Variants in GAB2 observed in about 807,000 individuals in gnomAD.
The protein encoded by GAB2 is GRB2 associated binding protein 2.
Under a neutral mutation model 65.5 loss-of-function variants are expected in GAB2, and 26 were observed. The observed-to-expected ratio is 0.40, with a 90% confidence interval of 0.29 to 0.55. The LOEUF is 0.55. GAB2 is among the 20% of genes least tolerant of loss of function. GAB2 has a pLI of 0.53. For missense variants in GAB2, 884 were observed against 875.8 expected (o/e 1.01, Z -0.12); for synonymous variants, 321 against 329.6 (o/e 0.97, Z 0.28).
chr11:78,297,804 TATTA>T (rs1245521388), intron 1 of GAB2, among the ~76,000 whole-genome samples: 2 of 152,182 alleles, frequency 1.3e-5, no homozygotes, highest in Non-Finnish European at 2.9e-5. Context: ...ATTATTCACA[TATTA>T]TTTATATTAA....
chr11:78,346,722 A>ATATATTT (rs1565168352), intron 1 of GAB2, among the ~76,000 whole-genome samples: 3 of 30,780 alleles, frequency 9.7e-5, no homozygotes, highest in African/African-American at 1.6e-4. Flanking sequence ...TATATATATA[A>ATATATTT]TTTTTTTTTT....
intron 2 of GAB2, among the ~76,000 whole-genome samples, chr11:78,268,622 G>A (rs73494622): frequency 6.6e-6 from 1 of 152,034 alleles, no homozygotes. Context: ...AGCTTCTGGC[G>A]CTGTGGAGTT....
chr11:78,349,792 C>T (rs1453539112), intron 1 of GAB2, among the ~76,000 whole-genome samples: 1 of 152,062 alleles, frequency 6.6e-6, no homozygotes, highest in African/African-American at 2.4e-5. Context: ...AATCCTCTCA[C>T]TTGGCTCCAG....
chr11:78,388,576 C>T (rs1489408778), intron 1 of GAB2, among the ~76,000 whole-genome samples: 2 of 151,936 alleles, frequency 1.3e-5, no homozygotes, highest in Non-Finnish European at 2.9e-5. Flanking sequence ...GATCCTCCTG[C>T]CTCAGCCTCC....
At chr11:78,407,650 A>AAAGT (rs1188606840) in intron 1 of GAB2, among the ~76,000 whole-genome samples, 21 of 123,148 alleles carry the variant, frequency 1.7e-4, no homozygotes, top group Middle Eastern at 4.1e-3. Flanking sequence ...AGAAAGAAAG[A>AAAGT]AAGAAAGTAA....
intron 1 of GAB2, among the ~76,000 whole-genome samples, chr11:78,320,483 C>A (rs568540874): frequency 8.0e-4 from 122 of 152,298 alleles, no homozygotes; most frequent in African/African-American, 2.9e-3. Context: ...CTAAGGACAA[C>A]AGAAAAGAGG....
chr11:78,341,679 TTA>T, intron 1 of GAB2: 1 of 771,584 alleles, frequency 1.3e-6, no homozygotes, highest in Non-Finnish European at 1.6e-6. Context: ...GGGGTCTTGT[TTA>T]AATGGTGACT....
intron 2 of GAB2, among the ~76,000 whole-genome samples, chr11:78,278,513 T>C (rs1046762456): frequency 1.6e-4 from 24 of 152,000 alleles, no homozygotes; most frequent in African/African-American, 5.8e-4. Flanking sequence ...CCTGAGTAGC[T>C]GGGAATACAG....
At chr11:78,254,363 T>A (rs1344329362) in intron 2 of GAB2, among the ~76,000 whole-genome samples, 2 of 152,184 alleles carry the variant, frequency 1.3e-5, no homozygotes, top group Non-Finnish European at 2.9e-5. Context: ...GTGTTTCTTG[T>A]GGTCAAAATC....
intron 1 of GAB2, among the ~76,000 whole-genome samples, chr11:78,391,215 A>G (rs553079651): frequency 1.3e-5 from 2 of 152,292 alleles, no homozygotes; most frequent in African/African-American, 4.8e-5. Flanking sequence ...GAATCGCTTG[A>G]GCCCGGGAGG....
intron 1 of GAB2, among the ~76,000 whole-genome samples, chr11:78,384,891 G>C (rs1856746721): frequency 6.6e-6 from 1 of 152,186 alleles, no homozygotes; most frequent in Non-Finnish European, 1.5e-5. Context: ...AGCTCATCTG[G>C]CCTGAGTCCC....
chr11:78,383,450 G>A (rs554954820), intron 1 of GAB2, among the ~76,000 whole-genome samples: 1 of 150,890 alleles, frequency 6.6e-6, no homozygotes, highest in African/African-American at 2.4e-5. Context: ...TTTTTTTTAA[G>A]ACGTGGGGTC....
intron 9 of GAB2, among the ~76,000 whole-genome samples, chr11:78,219,791 A>G (rs973071159): frequency 1.3e-5 from 2 of 152,190 alleles, no homozygotes; most frequent in East Asian, 3.9e-4. Flanking sequence ...CATCAGCCAC[A>G]GGACTTTACG....
chr11:78,343,660 A>C (rs889667400), intron 1 of GAB2, among the ~76,000 whole-genome samples: 1 of 152,236 alleles, frequency 6.6e-6, no homozygotes, highest in African/African-American at 2.4e-5. Context: ...GAATTACAGC[A>C]GCACTGTCAA....
chr11:78,317,044 T>C (rs1470350036), intron 1 of GAB2, among the ~76,000 whole-genome samples: 1 of 152,174 alleles, frequency 6.6e-6, no homozygotes, highest in Non-Finnish European at 1.5e-5. Context: ...GAAAATACCA[T>C]GTGATTCCAC....
chr11:78,274,803 T>A (rs2511187), intron 2 of GAB2, among the ~76,000 whole-genome samples: 25,738 of 152,116 alleles, frequency 0.17, 2,585 homozygotes, highest in East Asian at 0.4. Flanking sequence ...GTACAATGCA[T>A]AGTGTCCAAA....
chr11:78,248,146 A>T (rs1865347435), intron 3 of GAB2, among the ~76,000 whole-genome samples: 1 of 152,142 alleles, frequency 6.6e-6, no homozygotes, highest in Admixed American at 6.5e-5. Context: ...ATGTTGTGAG[A>T]GAGAGAGAGA....
chr11:78,387,036 G>C (rs1856777249), intron 1 of GAB2, among the ~76,000 whole-genome samples: 1 of 152,134 alleles, frequency 6.6e-6, no homozygotes, highest in African/African-American at 2.4e-5. Context: ...AATAATGAAT[G>C]AATGAATCAA....
At chr11:78,414,365 T>G (rs1857166947) in intron 1 of GAB2, among the ~76,000 whole-genome samples, 1 of 152,208 alleles carries the variant, frequency 6.6e-6, no homozygotes. Flanking sequence ...TACTGTTACC[T>G]TAATGCAGTA....
Sources: allele counts gnomAD v4.1 joint callset (sites outside exome capture counted in the v4.1 genomes callset), GRCh38; gene constraint gnomAD v4.1.1; transcripts MANE v1.5; gene names NCBI Gene and HGNC (gene_info 2026-07-23, HGNC 2026-07-21).